Variants in IQCJ observed in about 807,000 individuals in gnomAD.
IQCJ encodes IQ motif containing J, also known as IQ domain-containing protein J.
IQCJ carries 9 observed loss-of-function variants against 11.0 expected under a neutral mutation model. The observed-to-expected ratio is 0.82, with a 90% CI of 0.49 to 1.43. The LOEUF (loss-of-function observed/expected upper bound fraction) is 1.43, where lower values mean the gene tolerates loss of function less well. Ranked by LOEUF, IQCJ falls within the 40% of genes most tolerant of loss-of-function variation. The pLI, the probability that IQCJ is intolerant of heterozygous loss-of-function variation, is 0.00. For missense variants in IQCJ, 146 were observed against 133.2 expected, an observed-to-expected ratio of 1.10 and a Z score of -0.47; for synonymous variants, 55 against 51.3, an observed-to-expected ratio of 1.07 and a Z score of -0.31.
chr3:159,109,440 A>G (rs1577013555), intron 1 of IQCJ, among the ~76,000 whole-genome samples: 1 of 151,846 alleles, frequency 6.6e-6, no homozygotes, highest in Non-Finnish European at 1.5e-5. Flanking sequence ...TAACTCACAA[A>G]TAGCCACATT....
At chr3:159,090,156 C>T (rs560590331) in intron 1 of IQCJ, among the ~76,000 whole-genome samples, 39 of 151,810 alleles carry the variant, frequency 2.6e-4, no homozygotes, top group African/African-American at 8.8e-4. Flanking sequence ...CCCTCAGCTG[C>T]AGGTCTGTTG....
intron 1 of IQCJ, among the ~76,000 whole-genome samples, chr3:159,105,703 A>T (rs1027079764): frequency 1.3e-4 from 20 of 152,082 alleles, no homozygotes; most frequent in African/African-American, 4.8e-4. Context: ...GCTGGGGTGG[A>T]GGGTGGGAAA....
intron 1 of IQCJ, among the ~76,000 whole-genome samples, chr3:159,224,516 T>C (rs1314664454): frequency 1.3e-5 from 2 of 152,224 alleles, no homozygotes; most frequent in Admixed American, 1.3e-4. Flanking sequence ...TCATGTAATA[T>C]AATCACATAA....
intron 1 of IQCJ, among the ~76,000 whole-genome samples, chr3:159,172,982 C>T (rs1198381233): frequency 6.6e-6 from 1 of 152,084 alleles, no homozygotes; most frequent in Non-Finnish European, 1.5e-5. Context: ...AGATCAAATC[C>T]CAATGACTGG....
intron 1 of IQCJ, among the ~76,000 whole-genome samples, chr3:159,205,152 G>A (rs528289173): frequency 5.1e-4 from 77 of 152,232 alleles, no homozygotes; most frequent in South Asian, 8.3e-4. Context: ...ACAAGTTTGG[G>A]GGCTTCTGAA....
chr3:159,180,147 C>T (rs553557667), intron 1 of IQCJ, among the ~76,000 whole-genome samples: 2 of 152,306 alleles, frequency 1.3e-5, no homozygotes, highest in East Asian at 3.9e-4. Context: ...GCATGTTTAT[C>T]TGTAGCCTAT....
intron 2 of IQCJ, among the ~76,000 whole-genome samples, chr3:159,247,506 T>C (rs1305119977): frequency 2.0e-5 from 3 of 152,212 alleles, no homozygotes; most frequent in South Asian, 2.1e-4. Context: ...AGAAATGTGA[T>C]TGGACAAAAA....
At chr3:159,186,600 C>T in intron 1 of IQCJ, among the ~76,000 whole-genome samples, 1 of 152,224 alleles carries the variant, frequency 6.6e-6, no homozygotes, top group South Asian at 2.1e-4. Context: ...ATTAAGGAGA[C>T]AGCCATTACT....
In IQCJ at chr3:159,175,100, A is replaced by G. The variant is rs1026216615; in HGVS notation, c.10-70743A>G. On this transcript the variant is annotated intron_variant, in intron 1 of 3. Transcript: ENST00000397832. ...TTTATTGAGGAGCAATTTACATACA[A>G]TAAAATTCACTAATTTTAATGTACG... Among the ~76,000 whole-genome samples, 6 of 152,378 alleles carry G rather than the reference A, an allele frequency of 3.9e-5. No homozygotes were observed. The East Asian group carries it at 7.7e-4, about 20-fold the overall frequency.
intron 1 of IQCJ, among the ~76,000 whole-genome samples, chr3:159,107,310 C>T (rs980044390): frequency 6.6e-6 from 1 of 152,156 alleles, no homozygotes; most frequent in Non-Finnish European, 1.5e-5. Flanking sequence ...TCCCTTTTGC[C>T]ATTTGTGGAC....
rs1043292929 is a variant in IQCJ, at chr3:159,228,876, G to C, written c.10-16967G>C. 5.3e-4 allele frequency among the ~76,000 whole-genome samples: 81 copies of C among 152,104 alleles called. 2 individuals carry two copies. Among genetic ancestry groups the C allele is most frequent in the Non-Finnish European group, 1.3e-4 (9 of 68,004 alleles). ...CTTTGGTATGGGTATCTCTATTTAA[G>C]AAAATTAATATGTGGTTTAGAATGG... is the stretch of plus-strand genomic sequence containing the variant. On this transcript the variant is annotated intron_variant, in intron 1 of 3. Coordinates refer to ENST00000397832, the MANE Select transcript of IQCJ (RefSeq NM_001042706.3).
chr3:159,085,668 G>A (rs2108067112), intron 1 of IQCJ, among the ~76,000 whole-genome samples: 1 of 150,988 alleles, frequency 6.6e-6, no homozygotes, highest in East Asian at 2.0e-4. Context: ...CTGATGGCCA[G>A]TGATGATAAG....
intron 1 of IQCJ, among the ~76,000 whole-genome samples, chr3:159,211,263 A>G (rs963690548): frequency 5.9e-5 from 9 of 152,224 alleles, no homozygotes; most frequent in Admixed American, 5.9e-4. Flanking sequence ...CAGGAAGTAG[A>G]TAAGCATTGG....
At chr3:159,072,535 C>A (rs1445134890) in intron 1 of IQCJ, among the ~76,000 whole-genome samples, 2 of 151,980 alleles carry the variant, frequency 1.3e-5, no homozygotes, top group African/African-American at 4.8e-5. Flanking sequence ...TATTCACTAA[C>A]CTTATTAGAG....
At chr3:159,172,997 C>T (rs1219312335) in intron 1 of IQCJ, among the ~76,000 whole-genome samples, 1 of 152,140 alleles carries the variant, frequency 6.6e-6, no homozygotes, top group Admixed American at 6.6e-5. Context: ...GACTGGAAAT[C>T]AAATGACTGG....
chr3:159,242,390 C>A (rs1380423693), intron 1 of IQCJ, among the ~76,000 whole-genome samples: 1 of 152,154 alleles, frequency 6.6e-6, no homozygotes, highest in Non-Finnish European at 1.5e-5. Flanking sequence ...AGAGTTGAAG[C>A]AGCAGCTCCA....
At chr3:159,086,404 T>C (rs1473674152) in intron 1 of IQCJ, among the ~76,000 whole-genome samples, 1 of 152,194 alleles carries the variant, frequency 6.6e-6, no homozygotes, top group Non-Finnish European at 1.5e-5. Context: ...ATGCGTGCTC[T>C]TTTTTGGTTC....
intron 1 of IQCJ, among the ~76,000 whole-genome samples, chr3:159,170,076 T>C (rs1471626994): frequency 6.6e-6 from 1 of 152,180 alleles, no homozygotes; most frequent in Non-Finnish European, 1.5e-5. Context: ...ATGTCTTTGA[T>C]CATCTGATAG....
At chr3:159,207,944 T>C (rs922946148) in intron 1 of IQCJ, among the ~76,000 whole-genome samples, 1 of 152,126 alleles carries the variant, frequency 6.6e-6, no homozygotes, top group Non-Finnish European at 1.5e-5. Context: ...ACAAAGCAAA[T>C]ACACAATAGT....
Sources: allele counts gnomAD v4.1 joint callset (sites outside exome capture counted in the v4.1 genomes callset), GRCh38; gene constraint gnomAD v4.1.1; transcripts MANE v1.5; gene names NCBI Gene and HGNC (gene_info 2026-07-23, HGNC 2026-07-21).